The following GMDS variants were observed in gnomAD, a reference collection of about 807,000 sequenced individuals.
GMDS encodes GDP-mannose 4,6 dehydratase.
In GMDS, 20 loss-of-function variants were observed where a neutral mutation model predicts 49.9. The ratio of observed to expected loss-of-function variants is 0.40; its 90% CI spans 0.28 to 0.58. GMDS has a LOEUF of 0.58. GMDS is among the 20% of genes least tolerant of loss of function. The pLI is 0.42. For synonymous variants in GMDS, 177 were observed against 178.6 expected (o/e 0.99, Z 0.07); for missense variants, 362 against 481.4 (o/e 0.75, Z 2.32).
chr6:2,039,783 C>T lies in GMDS; in HGVS notation c.345+75988G>A, dbSNP rs564322245. Among the ~76,000 whole-genome samples the T allele has an allele frequency of 7.9e-5, 12 of 152,122 alleles. No individual in the cohort carries two copies. The South Asian group carries it at 1.9e-3, about 24-fold the overall frequency. ...CTTCTGAAATCCCTTTTGAAAGACCCGCCTAAAGCTGTTTTATAGTTAACT... is the reference window on the plus strand; with the variant it reads ...CTTCTGAAATCCCTTTTGAAAGACCTGCCTAAAGCTGTTTTATAGTTAACT... On this transcript the variant is annotated intron_variant, in intron 4 of 10. Transcript: ENST00000380815.
At chr6:1,897,667 C>T (rs1760272143) in intron 7 of GMDS, among the ~76,000 whole-genome samples, 1 of 152,192 alleles carries the variant, frequency 6.6e-6, no homozygotes, top group Non-Finnish European at 1.5e-5. Flanking sequence ...GAGTTGGGAG[C>T]ATCTCATTTC....
chr6:1,810,968 G>A (rs971475569), intron 7 of GMDS, among the ~76,000 whole-genome samples: 7 of 152,102 alleles, frequency 4.6e-5, no homozygotes, highest in Admixed American at 2.6e-4. Context: ...ACTTAGGCAT[G>A]AGCTTGTCTT....
chr6:1,895,622 A>G (rs1037618740), intron 7 of GMDS, among the ~76,000 whole-genome samples: 2 of 152,242 alleles, frequency 1.3e-5, no homozygotes, highest in African/African-American at 4.8e-5. Flanking sequence ...TATTGAACAG[A>G]CGTGCTTTAC....
At chr6:1,736,412 C>T (rs139986973) in intron 8 of GMDS, among the ~76,000 whole-genome samples, 78 of 152,294 alleles carry the variant, frequency 5.1e-4, no homozygotes, top group African/African-American at 1.7e-3. Context: ...AAAAGTCCAA[C>T]CTCTTTATGA....
intron 1 of GMDS, among the ~76,000 whole-genome samples, chr6:2,196,281 C>A (rs1326371809): frequency 2.0e-5 from 3 of 152,236 alleles, no homozygotes; most frequent in Non-Finnish European, 4.4e-5. Context: ...TTATTTCCCT[C>A]ACTGCACTGA....
intron 7 of GMDS, among the ~76,000 whole-genome samples, chr6:1,903,473 C>T (rs1760603834): frequency 6.6e-6 from 1 of 152,214 alleles, no homozygotes. Flanking sequence ...TCTAATTCAA[C>T]TTTCTGTGAA....
chr6:1,887,756 C>T (rs1450728409), intron 7 of GMDS, among the ~76,000 whole-genome samples: 4 of 152,290 alleles, frequency 2.6e-5, no homozygotes, highest in African/African-American at 4.8e-5. Context: ...TACAGAGGAT[C>T]GGTTCCAGGA....
At chr6:1,839,053 A>C (rs2113742479) in intron 7 of GMDS, among the ~76,000 whole-genome samples, 1 of 152,248 alleles carries the variant, frequency 6.6e-6, no homozygotes. Context: ...TTCTGCCTTC[A>C]ATTTGCTGCT....
intron 4 of GMDS, among the ~76,000 whole-genome samples, chr6:1,996,937 T>C (rs1239470835): frequency 2.6e-5 from 4 of 152,094 alleles, no homozygotes; most frequent in African/African-American, 9.7e-5. Context: ...AGTAAGACCC[T>C]AGTCTTTTTT....
intron 7 of GMDS, among the ~76,000 whole-genome samples, chr6:1,865,621 T>TA (rs1561853507): frequency 6.6e-6 from 1 of 151,870 alleles, no homozygotes; most frequent in Non-Finnish European, 1.5e-5. Flanking sequence ...ATGCTTAGGT[T>TA]AAAAAAGAAA....
At chr6:1,979,350 C>A (rs1765094348) in intron 4 of GMDS, among the ~76,000 whole-genome samples, 1 of 152,156 alleles carries the variant, frequency 6.6e-6, no homozygotes, top group Non-Finnish European at 1.5e-5. Context: ...ACAGAACCAA[C>A]CTGATAGAGC....
intron 7 of GMDS, among the ~76,000 whole-genome samples, chr6:1,853,570 G>A (rs1053860069): frequency 2.7e-5 from 4 of 147,528 alleles, no homozygotes; most frequent in African/African-American, 1.0e-4. Flanking sequence ...TCATATGAGT[G>A]TGTGTGTGTG....
chr6:1,723,662 C>T (rs1766472382), intron 9 of GMDS, among the ~76,000 whole-genome samples: 1 of 151,268 alleles, frequency 6.6e-6, no homozygotes, highest in East Asian at 1.9e-4. Flanking sequence ...TTGAGTGTCC[C>T]TCTGTGCAGA....
intron 9 of GMDS, among the ~76,000 whole-genome samples, chr6:1,696,787 C>A (rs1765357816): frequency 6.6e-6 from 1 of 152,234 alleles, no homozygotes; most frequent in African/African-American, 2.4e-5. Context: ...GGAGAGGCTT[C>A]ATCTCCAACA....
At chr6:2,030,301 T>G (rs560197588) in intron 4 of GMDS, among the ~76,000 whole-genome samples, 2 of 152,282 alleles carry the variant, frequency 1.3e-5, no homozygotes, top group East Asian at 3.9e-4. Flanking sequence ...TGTGTCAAAT[T>G]TGTGATGCTG....
At position 2,013,925 on chromosome 6, in the gene GMDS, C is replaced by CATATAT. The variant is rs10523956; in HGVS notation, c.346-52965_346-52960dup. ...AGAGAACACCAGAGAGGATAAAAAC[C>CATATAT]ATATATATATATATATATATATATA... On this transcript the variant is annotated intron_variant, in intron 4 of 10. Coordinates refer to ENST00000380815, the MANE Select transcript of GMDS (RefSeq NM_001500.4). 2.8e-3 allele frequency among the ~76,000 whole-genome samples: 348 copies of CATATAT among 124,930 alleles called. 3 individuals are homozygous for CATATAT. Among genetic ancestry groups the CATATAT allele is most frequent in the African/African-American group, 7.9e-3 (224 of 28,258 alleles). The allele number at this position is 124,930 out of a possible 152,430, so 82.0% of individuals were successfully genotyped here. A position where few individuals can be genotyped will look rare whatever the true frequency, so the allele number is the denominator to read the frequency against.
At chr6:1,761,229 T>A (rs966378703) in intron 7 of GMDS, among the ~76,000 whole-genome samples, 1 of 152,162 alleles carries the variant, frequency 6.6e-6, no homozygotes, top group Non-Finnish European at 1.5e-5. Context: ...AGGGAGTTTT[T>A]AAAAAATTAA....
intron 6 of GMDS, among the ~76,000 whole-genome samples, chr6:1,958,150 T>C (rs1396000612): frequency 6.7e-6 from 1 of 150,114 alleles, no homozygotes. Flanking sequence ...GTGGTTAACA[T>C]CTACAAAGAC....
rs564937008 is a variant in GMDS, at chr6:2,241,235, G to A, written c.102+4086C>T. ...TGCAGTCACAGAATGTCTACCCAATGACCGTACAACCATTGTATCTTGGAA... is the reference window on the plus strand; with the variant it reads ...TGCAGTCACAGAATGTCTACCCAATAACCGTACAACCATTGTATCTTGGAA... On this transcript the variant is annotated intron_variant, in intron 1 of 10. Coordinates refer to ENST00000380815, the MANE Select transcript of GMDS (RefSeq NM_001500.4). Among the ~76,000 whole-genome samples, 7 of 152,122 alleles carry A rather than the reference G, an allele frequency of 4.6e-5. 1 individual carries two copies. The South Asian group carries it at 1.5e-3, about 32-fold the overall frequency.
Sources: gnomAD v4.1 joint callset for allele counts (sites outside exome capture counted in the v4.1 genomes callset) on GRCh38, gnomAD v4.1.1 for gene constraint, MANE v1.5 for transcripts, NCBI Gene and HGNC (gene_info 2026-07-23, HGNC 2026-07-21) for gene names.